Variants in PAK1 observed in about 807,000 individuals in gnomAD.
The protein encoded by PAK1 is p21 (RAC1) activated kinase 1, also known as serine/threonine-protein kinase PAK 1.
A neutral mutation model predicts 67.4 loss-of-function variants in PAK1; 29 were observed. That is an observed-to-expected ratio of 0.43 (90% CI 0.32 to 0.59). The LOEUF is 0.59. Among genes scored for constraint, PAK1 ranks in the 20% least tolerant of loss-of-function variants. The probability of loss-of-function intolerance (pLI) is 0.07; values close to 1 mark genes in which losing one functional copy is unlikely to be tolerated. For missense variants in PAK1, 337 were observed against 670.7 expected, an observed-to-expected ratio of 0.50 and a Z score of 5.50; for synonymous variants, 223 against 237.4, an observed-to-expected ratio of 0.94 and a Z score of 0.56.
intron 1 of PAK1, among the ~76,000 whole-genome samples, chr11:77,467,212 C>A (rs765032578): frequency 1.3e-4 from 20 of 152,204 alleles, no homozygotes; most frequent in Non-Finnish European, 2.1e-4. Flanking sequence ...CAGAACCCAT[C>A]TTAGATGTCA....
the PAK1 span, among the ~76,000 whole-genome samples, chr11:77,501,704 C>T: frequency 6.6e-6 from 1 of 152,136 alleles, no homozygotes; most frequent in African/African-American, 2.4e-5. Flanking sequence ...GTCTTTGCCA[C>T]CCCATGTGAA....
chr11:77,509,713 T>C, the PAK1 span, among the ~76,000 whole-genome samples: 2 of 152,192 alleles, frequency 1.3e-5, no homozygotes, highest in Non-Finnish European at 2.9e-5. Context: ...TTGTGAGATC[T>C]GGTCATTTAA....
chr11:77,378,852 T>C (rs1200408278), intron 4 of PAK1, among the ~76,000 whole-genome samples: 1 of 152,240 alleles, frequency 6.6e-6, no homozygotes, highest in African/African-American at 2.4e-5. Flanking sequence ...CCTCCCAAAG[T>C]GTTGGGATTA....
intron 10 of PAK1, among the ~76,000 whole-genome samples, chr11:77,342,617 C>T (rs528463490): frequency 5.7e-4 from 87 of 152,254 alleles, no homozygotes; most frequent in African/African-American, 2.0e-3. Flanking sequence ...AGTCAGGACC[C>T]ACATTAAGGA....
At chr11:77,420,527 A>G (rs1256350173) in intron 1 of PAK1, among the ~76,000 whole-genome samples, 2 of 152,212 alleles carry the variant, frequency 1.3e-5, no homozygotes, top group African/African-American at 2.4e-5. Context: ...CTACTCTTTC[A>G]GTTGCTAAGC....
At position 77,347,019 on chromosome 11, in the gene PAK1, A is replaced by G. The variant is rs1023920745; in HGVS notation, c.885+2220T>C. On this transcript the variant is annotated intron_variant, in intron 9 of 14. Transcript: ENST00000356341. The stretch of plus-strand genomic sequence containing the variant: ...GCCCTTCTCAGCTGGATAACCCCCA[A>G]TAAGCAAGAACTCACAAAGACTGAG... 9 of 456,212 alleles carry G rather than the reference A, an allele frequency of 2.0e-5. No homozygotes were observed. The East Asian group carries it at 3.5e-4, about 18-fold the overall frequency. 28.3% of individuals were successfully genotyped at this position (456,212 alleles called of 1,614,324 possible). A position where few individuals can be genotyped will look rare whatever the true frequency, so the allele number is the denominator to read the frequency against.
At chr11:77,418,661 T>C (rs1009759874) in intron 1 of PAK1, among the ~76,000 whole-genome samples, 3 of 152,246 alleles carry the variant, frequency 2.0e-5, no homozygotes, top group Non-Finnish European at 2.9e-5. Context: ...AGCCCATCAT[T>C]CCAAGCTTAC....
the PAK1 span, among the ~76,000 whole-genome samples, chr11:77,524,506 A>G: frequency 1.3e-5 from 2 of 152,178 alleles, no homozygotes; most frequent in Admixed American, 6.5e-5. Context: ...TTCATCTTAC[A>G]TGCCATCTTC....
At chr11:77,378,758 T>C (rs1949427476) in intron 4 of PAK1, among the ~76,000 whole-genome samples, 1 of 152,158 alleles carries the variant, frequency 6.6e-6, no homozygotes, top group Non-Finnish European at 1.5e-5. Context: ...CGGCTAATTT[T>C]TGTATTTTTT....
At chr11:77,529,567 T>C in the PAK1 span, among the ~76,000 whole-genome samples, 1 of 152,114 alleles carries the variant, frequency 6.6e-6, no homozygotes, top group African/African-American at 2.4e-5. Context: ...GTTCTGAAGG[T>C]AAACAAAGGG....
the PAK1 span, among the ~76,000 whole-genome samples, chr11:77,499,364 A>C: frequency 6.6e-6 from 1 of 152,130 alleles, no homozygotes. Flanking sequence ...CACCTGGCTT[A>C]TTGCTAACAT....
intron 2 of PAK1, among the ~76,000 whole-genome samples, chr11:77,388,643 G>A (rs557398741): frequency 2.0e-5 from 3 of 152,296 alleles, no homozygotes; most frequent in East Asian, 3.9e-4. Flanking sequence ...ATGAGCCACC[G>A]TGCCTGGCCA....
intron 1 of PAK1, among the ~76,000 whole-genome samples, chr11:77,407,299 G>A (rs561680679): frequency 6.6e-6 from 1 of 152,100 alleles, no homozygotes; most frequent in Non-Finnish European, 1.5e-5. Flanking sequence ...CACATACTTC[G>A]TGGTTTTTGT....
the PAK1 span, among the ~76,000 whole-genome samples, chr11:77,487,891 G>A: frequency 6.6e-6 from 1 of 152,170 alleles, no homozygotes; most frequent in African/African-American, 2.4e-5. Flanking sequence ...AAGCCTGGCT[G>A]GCTTCTATTG....
At chr11:77,354,597 T>G (rs1322631247) in intron 7 of PAK1, among the ~76,000 whole-genome samples, 1 of 152,174 alleles carries the variant, frequency 6.6e-6, no homozygotes, top group Admixed American at 6.5e-5. Context: ...AACTCTGGTT[T>G]AGAGAACAAG....
Position 77,322,446 on chromosome 11 carries a change from C to T in PAK1, c.*828G>A, listed in dbSNP as rs1392393737. On this transcript the variant is annotated 3_prime_UTR_variant, in exon 15 of 15. Transcript: ENST00000356341. ...TTCCTGAAACATCACACAAGTAGAG[C>T]TGGACAGGTGCTGATGCCCAGCCTT... 1 of 195,214 alleles carries T rather than the reference C, an allele frequency of 5.1e-6. No individual in the cohort carries two copies. The highest frequency in any genetic ancestry group is 2.3e-5 in the African/African-American group (1 of 43,194). The allele number at this position is 195,214 out of a possible 1,614,324, so 12.1% of individuals were successfully genotyped here.
chr11:77,489,593 C>T, the PAK1 span, among the ~76,000 whole-genome samples: 1 of 152,258 alleles, frequency 6.6e-6, no homozygotes, highest in Non-Finnish European at 1.5e-5. Context: ...CGATTGCAGG[C>T]GCGCGCCGCC....
intron 5 of PAK1, among the ~76,000 whole-genome samples, chr11:77,365,168 C>T (rs545312106): frequency 6.7e-6 from 1 of 148,310 alleles, no homozygotes; most frequent in Non-Finnish European, 1.5e-5. Flanking sequence ...AGGAGAATCG[C>T]TTGAACTCAG....
chr11:77,479,398 A>G (rs1055492790), upstream of PAK1, among the ~76,000 whole-genome samples: 13 of 152,046 alleles, frequency 8.6e-5, no homozygotes, highest in African/African-American at 3.1e-4. Context: ...TAAGCCACTA[A>G]GTTTGTGGTA....
Sources: allele counts gnomAD v4.1 joint callset (sites outside exome capture counted in the v4.1 genomes callset), GRCh38; gene constraint gnomAD v4.1.1; transcripts MANE v1.5; gene names NCBI Gene and HGNC (gene_info 2026-07-23, HGNC 2026-07-21).